Variants in PRR29 observed in about 807,000 individuals in gnomAD.
PRR29 encodes proline rich 29, also known as proline-rich protein 29.
In PRR29, 20 loss-of-function variants were observed where a neutral mutation model predicts 25.1. That is an observed-to-expected ratio of 0.80 (90% CI 0.56 to 1.16). The LOEUF (loss-of-function observed/expected upper bound fraction) is 1.16, where lower values mean the gene tolerates loss of function less well. Among genes scored for constraint, PRR29 ranks in the 50% most tolerant of loss-of-function variants. PRR29 has a pLI of 0.00. For missense variants in PRR29, 238 were observed against 246.6 expected, an observed-to-expected ratio of 0.97 and a Z score of 0.23; for synonymous variants, 108 against 102.6, an observed-to-expected ratio of 1.05 and a Z score of -0.32.
At chr17:63,999,386 C>T in intron 3 of PRR29, 1 of 454,862 alleles carries the variant, frequency 2.2e-6, no homozygotes, top group Non-Finnish European at 4.0e-6. Flanking sequence ...GCATCATGAG[C>T]GTCTGGCCTG....
chr17:64,000,978 T>C, intron 3 of PRR29, 106 bp from the exon 4 acceptor site: 1 of 1,015,800 alleles, frequency 9.8e-7, no homozygotes, highest in East Asian at 2.6e-5. Flanking sequence ...AAGCCATTCT[T>C]ACAAAGCCTA....
At position 64,003,868 on chromosome 17, in the gene PRR29, A is replaced by C; in HGVS notation, c.*2107A>C. ...GAACAGGAAGAGGGTGAGGCTGTCC[A>C]GGGGCTCCACGGTGGGCACCCTGCA... On this transcript the variant is annotated 3_prime_UTR_variant, in exon 6 of 6. Transcript: ENST00000412177. 6.2e-7 allele frequency: 1 copy of C among 1,614,248 alleles called. No homozygotes were observed. The highest frequency in any genetic ancestry group is 8.5e-7 in the Non-Finnish European group (1 of 1,180,034).
rs754812586 is a variant in PRR29 at position 64,003,982 on chromosome 17, GGGA to G, written c.*2224_*2226del. ...TGGAGGCTCTGCAGGGGACAAAGGA[GGGA>G]GGTCTGGTCAGGATGGGGGTGCAGT... is the stretch of plus-strand genomic sequence containing the variant. On this transcript the variant is annotated 3_prime_UTR_variant, in exon 6 of 6. Coordinates refer to ENST00000412177, the MANE Select transcript of PRR29 (RefSeq NM_001164257.2). 1 of 1,583,718 alleles carries G rather than the reference GGGA, an allele frequency of 6.3e-7. No homozygotes were observed. Among genetic ancestry groups the G allele is most frequent in the South Asian group, 1.1e-5 (1 of 88,162 alleles).
At position 64,002,841 on chromosome 17, in the gene PRR29, C is replaced by G. The variant is rs1417506187; in HGVS notation, c.*1080C>G. The G allele has an allele frequency of 6.2e-7, 1 of 1,613,872 alleles. No individual in the cohort carries two copies. Among genetic ancestry groups the G allele is most frequent in the Non-Finnish European group, 8.5e-7 (1 of 1,179,996 alleles). ...GCGCAAGTGCTGGCCGAAGATGAAG[C>G]AGAGCAGGACAGATGTCACGAACAG... On this transcript the variant is annotated 3_prime_UTR_variant, in exon 6 of 6. Transcript: ENST00000412177.
rs532930777 is a variant in PRR29 at position 64,001,535 on chromosome 17, C to T, written c.539C>T (p.Ser180Leu). Residue 180 changes from serine (S) to leucine (L), a missense_variant and splice_region_variant, in exon 5 of 6, where the codon TCA becomes TTA. Ser to Leu is a moderately radical substitution (Grantham distance 145). Transcript: ENST00000412177. ...GTVGADVPPA[S>L]DYYDAESLL is the part of the protein sequence containing the mutation. ...GTGGGTGCTGATGTACCCCCGGCTT[C>T]AGGTAGGGCTGGGGTGGTGGGCAGC... The T allele has an allele frequency of 7.2e-5, 109 of 1,518,004 alleles. No individual in the cohort carries two copies. In the African/African-American group the frequency reaches 1.4e-3, roughly 19 times the overall value. The allele number at this position is 1,518,004 out of a possible 1,614,324, so 94.0% of individuals were successfully genotyped here.
rs550103406 is a variant in PRR29, at chr17:64,004,062, C to T, written c.*2301C>T. 44 of 960,476 alleles carry T rather than the reference C, an allele frequency of 4.6e-5. No homozygotes were observed. The highest frequency in any genetic ancestry group is 7.6e-5 in the Admixed American group (3 of 39,678). The allele number at this position is 960,476 out of a possible 1,614,324, so 59.5% of individuals were successfully genotyped here. On this transcript the variant is annotated 3_prime_UTR_variant, in exon 6 of 6. Transcript: ENST00000412177. ...CATCTCCTGTCACCATGGTGTTCCA[C>T]GGTTGGGGAGGAGGTGGCCTGGCCG...
At position 63,998,797 on chromosome 17, in the gene PRR29, T is replaced by TGCCCCCCCCCCCCCCC; in HGVS notation, c.136+15_136+16insGCCCCCCCCCCCCCCC. The TGCCCCCCCCCCCCCCC allele has an allele frequency of 1.9e-6, 2 of 1,062,592 alleles. No homozygotes were observed. Among genetic ancestry groups the TGCCCCCCCCCCCCCCC allele is most frequent in the Non-Finnish European group, 2.6e-6 (2 of 761,692 alleles). 65.8% of individuals were successfully genotyped at this position (1,062,592 alleles called of 1,614,324 possible). ...CGTGAAGGAAGGTGAGACTCCCGGG[T>TGCCCCCCCCCCCCCCC]CCCCCCACCCCACCCCCACCATCAC... is the stretch of plus-strand genomic sequence containing the variant. On this transcript the variant is annotated intron_variant, in intron 2 of 5. Transcript: ENST00000412177.
At position 64,003,869 on chromosome 17, in the gene PRR29, G is replaced by C; in HGVS notation, c.*2108G>C. 6.2e-7 allele frequency: 1 copy of C among 1,614,254 alleles called. No homozygotes were observed. Among genetic ancestry groups the C allele is most frequent in the Non-Finnish European group, 8.5e-7 (1 of 1,180,040 alleles). ...AACAGGAAGAGGGTGAGGCTGTCCA[G>C]GGGCTCCACGGTGGGCACCCTGCAC... On this transcript the variant is annotated 3_prime_UTR_variant, in exon 6 of 6. Coordinates refer to ENST00000412177, the MANE Select transcript of PRR29 (RefSeq NM_001164257.2).
chr17:64,003,251 C>T lies in PRR29; in HGVS notation c.*1490C>T, dbSNP rs74813262. On this transcript the variant is annotated 3_prime_UTR_variant, in exon 6 of 6. Transcript: ENST00000412177. The stretch of plus-strand genomic sequence containing the variant: ...GGGTGGCATGGTCCCAGCCAAGCCC[C>T]TTCTTGGGCAGAGCTGAGTGAACTT... The T allele has an allele frequency of 0.011, 4,543 of 430,220 alleles. 167 individuals carry two copies. The highest frequency in any genetic ancestry group is 0.081 in the African/African-American group (4,102 of 50,406). 26.7% of individuals were successfully genotyped at this position (430,220 alleles called of 1,614,324 possible).
Position 64,002,197 on chromosome 17 carries a change from T to C in PRR29, c.*436T>C, listed in dbSNP as rs543174055. On this transcript the variant is annotated 3_prime_UTR_variant, in exon 6 of 6. Coordinates refer to ENST00000412177, the MANE Select transcript of PRR29 (RefSeq NM_001164257.2). ...CACAGCTTTGAAGGCCCCTTTGAGG[T>C]GGCTGGAGGGGCCCAGAGTGGTCGG... The C allele has an allele frequency of 3.1e-5, 20 of 649,994 alleles. No homozygotes were observed. In the East Asian group the frequency reaches 5.0e-4, roughly 16 times the overall value. The allele number at this position is 649,994 out of a possible 1,614,324, so 40.3% of individuals were successfully genotyped here. A position where few individuals can be genotyped will look rare whatever the true frequency, so the allele number is the denominator to read the frequency against.
chr17:64,002,808 C>T lies in PRR29; in HGVS notation c.*1047C>T, dbSNP rs3764867. ...CGCTCGCACCCCGTAGGTGCCCATCCGCTGCTGGCGCAAGTGCTGGCCGAA... is the reference window on the plus strand; with the variant it reads ...CGCTCGCACCCCGTAGGTGCCCATCTGCTGCTGGCGCAAGTGCTGGCCGAA... On this transcript the variant is annotated 3_prime_UTR_variant, in exon 6 of 6. Transcript: ENST00000412177. 175 of 1,613,816 alleles carry T rather than the reference C, an allele frequency of 1.1e-4. No individual in the cohort carries two copies. In the East Asian group the frequency reaches 3.3e-3, roughly 30 times the overall value.
Position 64,002,792 on chromosome 17 carries a change from C to T in PRR29, c.*1031C>T. 1 of 1,613,558 alleles carries T rather than the reference C, an allele frequency of 6.2e-7. No homozygotes were observed. ...GCAGCCTCCTCCAAGCCGCTCGCAC[C>T]CCGTAGGTGCCCATCCGCTGCTGGC... On this transcript the variant is annotated 3_prime_UTR_variant, in exon 6 of 6. Transcript: ENST00000412177.
At chr17:64,000,066 C>G (rs1910530414) in intron 3 of PRR29, among the ~76,000 whole-genome samples, 2 of 152,240 alleles carry the variant, frequency 1.3e-5, no homozygotes, top group South Asian at 2.1e-4. Flanking sequence ...TCAAGGAATC[C>G]AGACAGAAGG....
intron 3 of PRR29, 89 bp downstream of exon 3, chr17:63,999,163 T>G: frequency 9.9e-7 from 1 of 1,009,856 alleles, no homozygotes; most frequent in Admixed American, 2.1e-5. Flanking sequence ...GGAAAAGAAC[T>G]GGGAGACAGA....
chr17:64,002,110 A>G lies in PRR29; in HGVS notation c.*349A>G, dbSNP rs758924158. 1.9e-6 allele frequency: 2 copies of G among 1,042,078 alleles called. No homozygotes were observed. Among genetic ancestry groups the G allele is most frequent in the Non-Finnish European group, 2.7e-6 (2 of 732,882 alleles). The allele number at this position is 1,042,078 out of a possible 1,614,324, so 64.6% of individuals were successfully genotyped here. ...CTCCCTCACCCCTCTCTCTGGGATG[A>G]TGAGGTCTCCTTCCAGCCTAGTAAT... On this transcript the variant is annotated 3_prime_UTR_variant, in exon 6 of 6. Transcript: ENST00000412177.
rs1910677719 is a variant in PRR29, at chr17:64,001,005, T to C, written c.244-79T>C. 2.5e-6 allele frequency: 3 copies of C among 1,203,234 alleles called. No homozygotes were observed. In the East Asian group the frequency reaches 7.6e-5, roughly 31 times the overall value. The allele number at this position is 1,203,234 out of a possible 1,614,324, so 74.5% of individuals were successfully genotyped here. On this transcript the variant is annotated intron_variant, in intron 3 of 5. Coordinates refer to ENST00000412177, the MANE Select transcript of PRR29 (RefSeq NM_001164257.2). ...CAAAGCCTATCTGGAGGAAATAACT[T>C]AGGGGAATGGAGGAGTGGCGGTGGG...
Position 64,002,836 on chromosome 17 carries a change from TGAA to T in PRR29, c.*1077_*1079del, listed in dbSNP as rs1567843186. ...TGCTGGCGCAAGTGCTGGCCGAAGA[TGAA>T]GCAGAGCAGGACAGATGTCACGAAC... On this transcript the variant is annotated 3_prime_UTR_variant, in exon 6 of 6. Transcript: ENST00000412177. 1.2e-6 allele frequency: 2 copies of T among 1,613,892 alleles called. No individual in the cohort carries two copies. Among genetic ancestry groups the T allele is most frequent in the Non-Finnish European group, 1.7e-6 (2 of 1,179,984 alleles).
Position 64,002,665 on chromosome 17 carries a change from C to T in PRR29, c.*904C>T. 1 of 1,295,164 alleles carries T rather than the reference C, an allele frequency of 7.7e-7. No individual in the cohort carries two copies. Among genetic ancestry groups the T allele is most frequent in the Non-Finnish European group, 1.1e-6 (1 of 927,670 alleles). 80.2% of individuals were successfully genotyped at this position (1,295,164 alleles called of 1,614,324 possible). A position where few individuals can be genotyped will look rare whatever the true frequency, so the allele number is the denominator to read the frequency against. On this transcript the variant is annotated 3_prime_UTR_variant, in exon 6 of 6. Transcript: ENST00000412177. ...GTCTCTGCTGCCTGTCACAGTCCTT[C>T]AGCCAGGGCTGGACCTCAACCCTGA...
chr17:64,002,061 C>A lies in PRR29; in HGVS notation c.*300C>A. 1 of 1,432,922 alleles carries A rather than the reference C, an allele frequency of 7.0e-7. No homozygotes were observed. 88.8% of individuals were successfully genotyped at this position (1,432,922 alleles called of 1,614,324 possible). Reference sequence around the variant, plus strand: ...CTTCCTGCCTGGAGCAGGGGGAGGCCTGGGAACAGAGCCCCCACCCTCTCT... The same window carrying A: ...CTTCCTGCCTGGAGCAGGGGGAGGCATGGGAACAGAGCCCCCACCCTCTCT... On this transcript the variant is annotated 3_prime_UTR_variant, in exon 6 of 6. Transcript: ENST00000412177.
Sources: gnomAD v4.1 joint callset for allele counts (sites outside exome capture counted in the v4.1 genomes callset) on GRCh38, gnomAD v4.1.1 for gene constraint, MANE v1.5 for transcripts, NCBI Gene and HGNC (gene_info 2026-07-23, HGNC 2026-07-21) for gene names.